The following RIC8B variants were observed in gnomAD, a reference collection of about 807,000 sequenced individuals.
The protein encoded by RIC8B is chaperone Ric-8B.
RIC8B carries 16 observed loss-of-function variants against 57.5 expected under a neutral mutation model. That is an observed-to-expected ratio of 0.28 (90% confidence interval 0.19 to 0.42). The LOEUF (loss-of-function observed/expected upper bound fraction) is 0.42, where lower values mean the gene tolerates loss of function less well. Ranked by LOEUF, RIC8B falls within the 10% of genes least tolerant of loss-of-function variation. The pLI, the probability that RIC8B is intolerant of heterozygous loss-of-function variation, is 1.00. For missense variants in RIC8B, 481 were observed against 677.0 expected (o/e 0.71, Z 3.21); for synonymous variants, 216 against 250.8 (o/e 0.86, Z 1.31).
chr12:106,809,696 A>C, intron 2 of RIC8B, among the ~76,000 whole-genome samples: 1 of 152,058 alleles, frequency 6.6e-6, no homozygotes, highest in East Asian at 1.9e-4. Flanking sequence ...ACAAAAAAAA[A>C]ATTTATGGAT....
chr12:106,803,293 A>T (rs759920571), intron 2 of RIC8B, among the ~76,000 whole-genome samples: 1 of 147,736 alleles, frequency 6.8e-6, no homozygotes, highest in Non-Finnish European at 1.5e-5. Flanking sequence ...GATATGCCTT[A>T]TAAGTTTCCC....
chr12:106,797,794 A>C (rs1255617184), intron 2 of RIC8B, among the ~76,000 whole-genome samples: 1 of 152,230 alleles, frequency 6.6e-6, no homozygotes, highest in Non-Finnish European at 1.5e-5. Context: ...CTTATTTTAC[A>C]GATGAGGAAA....
At chr12:106,862,435 A>C (rs17038819) in intron 8 of RIC8B, among the ~76,000 whole-genome samples, 8,325 of 152,112 alleles carry the variant, frequency 0.055, 312 homozygotes, top group African/African-American at 0.097. Flanking sequence ...GTGGTGGTAA[A>C]TAAAGTACTC....
At chr12:106,856,743 G>T (rs554228121) in intron 7 of RIC8B, among the ~76,000 whole-genome samples, 1 of 152,078 alleles carries the variant, frequency 6.6e-6, no homozygotes, top group Non-Finnish European at 1.5e-5. Flanking sequence ...ACTCATCTTT[G>T]GATCCCCAGT....
intron 4 of RIC8B, among the ~76,000 whole-genome samples, chr12:106,828,167 A>G (rs1372863668): frequency 6.6e-6 from 1 of 152,216 alleles, no homozygotes. Flanking sequence ...GAGCATGCCT[A>G]GAGCCACAGA....
intron 6 of RIC8B, among the ~76,000 whole-genome samples, chr12:106,848,014 G>C (rs1949284721): frequency 6.6e-6 from 1 of 152,110 alleles, no homozygotes; most frequent in Non-Finnish European, 1.5e-5. Flanking sequence ...GTCCGGTGGT[G>C]ACAAGTGCTA....
At chr12:106,812,762 T>C (rs760276607) in intron 2 of RIC8B, among the ~76,000 whole-genome samples, 1 of 152,160 alleles carries the variant, frequency 6.6e-6, no homozygotes, top group Non-Finnish European at 1.5e-5. Flanking sequence ...TTTTAATTAA[T>C]GGGCACATTA....
intron 4 of RIC8B, among the ~76,000 whole-genome samples, chr12:106,828,055 AGTC>A (rs2046190636): frequency 6.6e-6 from 1 of 152,214 alleles, no homozygotes. Flanking sequence ...TTTTTAAAGA[AGTC>A]GTATTTATTT....
At chr12:106,834,400 A>C (rs938587609) in intron 4 of RIC8B, among the ~76,000 whole-genome samples, 4 of 152,268 alleles carry the variant, frequency 2.6e-5, no homozygotes, top group African/African-American at 9.6e-5. Context: ...ACTGGATATA[A>C]TATATAAACC....
At chr12:106,838,432 G>A (rs189394742) in intron 4 of RIC8B, among the ~76,000 whole-genome samples, 42 of 152,026 alleles carry the variant, frequency 2.8e-4, no homozygotes, top group African/African-American at 8.7e-4. Context: ...CAGCTACTCC[G>A]GAGGCTCAGG....
At chr12:106,883,500 T>C (rs188187222) in intron 9 of RIC8B, among the ~76,000 whole-genome samples, 7 of 152,100 alleles carry the variant, frequency 4.6e-5, no homozygotes, top group South Asian at 2.1e-4. Flanking sequence ...CCCCACCAAA[T>C]CTCCATCTCC....
chr12:106,798,483 A>T (rs2044586276), intron 2 of RIC8B, among the ~76,000 whole-genome samples: 1 of 152,206 alleles, frequency 6.6e-6, no homozygotes, highest in Admixed American at 6.5e-5. Context: ...ATCCTCAGAT[A>T]GCTCACAGTG....
intron 2 of RIC8B, among the ~76,000 whole-genome samples, chr12:106,788,148 C>T (rs774445897): frequency 5.3e-5 from 8 of 152,176 alleles, no homozygotes; most frequent in Non-Finnish European, 1.0e-4. Context: ...TGAAATCCAG[C>T]AGGGCAGTAA....
intron 2 of RIC8B, among the ~76,000 whole-genome samples, chr12:106,785,085 T>C (rs1456807888): frequency 6.6e-6 from 1 of 152,228 alleles, no homozygotes; most frequent in Non-Finnish European, 1.5e-5. Flanking sequence ...TCATTGACTT[T>C]CTTTACCTAC....
At chr12:106,873,311 G>A (rs931583196) in intron 9 of RIC8B, 5 of 364,188 alleles carry the variant, frequency 1.4e-5, no homozygotes, top group African/African-American at 2.2e-5. Context: ...TTTGCATGAC[G>A]TGTGTTGGGC....
chr12:106,790,505 T>C (rs2044221697), intron 2 of RIC8B, among the ~76,000 whole-genome samples: 1 of 152,258 alleles, frequency 6.6e-6, no homozygotes, highest in Non-Finnish European at 1.5e-5. Flanking sequence ...GCATTTGCTT[T>C]ATATTCTGTA....
At chr12:106,784,649 T>C (rs765264720) in intron 2 of RIC8B, among the ~76,000 whole-genome samples, 17 of 152,170 alleles carry the variant, frequency 1.1e-4, no homozygotes, top group Non-Finnish European at 2.1e-4. Context: ...AGGTGTGAGC[T>C]ACCATGCCTG....
chr12:106,877,161 C>T (rs1278831305), intron 9 of RIC8B, among the ~76,000 whole-genome samples: 1 of 151,982 alleles, frequency 6.6e-6, no homozygotes, highest in Non-Finnish European at 1.5e-5. Context: ...TTATATAGTG[C>T]TTTAAGGTAT....
At chr12:106,802,172 G>A (rs1175328117) in intron 2 of RIC8B, among the ~76,000 whole-genome samples, 1 of 152,190 alleles carries the variant, frequency 6.6e-6, no homozygotes, top group African/African-American at 2.4e-5. Flanking sequence ...GTTATGTATT[G>A]TGATTTGTAA....
Sources: gnomAD v4.1 joint callset for allele counts (sites outside exome capture counted in the v4.1 genomes callset) on GRCh38, gnomAD v4.1.1 for gene constraint, MANE v1.5 for transcripts, NCBI Gene and HGNC (gene_info 2026-07-23, HGNC 2026-07-21) for gene names.